The following RSRP1 variants were observed in gnomAD, a reference collection of about 807,000 sequenced individuals.
The protein encoded by RSRP1 is arginine and serine rich protein 1, also known as arginine/serine-rich protein 1.
RSRP1 carries 37 observed loss-of-function variants against 33.0 expected under a neutral mutation model. That is an observed-to-expected ratio of 1.12 (90% CI 0.86 to 1.48). The LOEUF is 1.48. Ranked by LOEUF, RSRP1 falls within the 40% of genes most tolerant of loss-of-function variation. The probability of loss-of-function intolerance (pLI) is 0.00; values close to 1 mark genes in which losing one functional copy is unlikely to be tolerated. For synonymous variants in RSRP1, 167 were observed against 158.7 expected, an observed-to-expected ratio of 1.05 and a Z score of -0.40; for missense variants, 402 against 385.3, an observed-to-expected ratio of 1.04 and a Z score of -0.36.
At chr1:25,316,427 C>T (rs1268375200) in intron 1 of RSRP1, among the ~76,000 whole-genome samples, 2 of 128,080 alleles carry the variant, frequency 1.6e-5, no homozygotes, top group South Asian at 4.8e-4. Flanking sequence ...CGAGATCACC[C>T]TGGTCAACAT....
At chr1:25,313,262 G>A (rs781218294) in intron 1 of RSRP1, among the ~76,000 whole-genome samples, 1 of 131,558 alleles carries the variant, frequency 7.6e-6, no homozygotes, top group Non-Finnish European at 1.8e-5. Flanking sequence ...CAGCAAGAAG[G>A]TCCTCAACAG....
At position 25,268,117 on chromosome 1, in the gene RSRP1, G is replaced by C. The variant is rs368502842; in HGVS notation, c.-66-21088C>G. On this transcript the variant is annotated intron_variant, in intron 1 of 1. Coordinates refer to the RSRP1 transcript ENST00000561867. Reference sequence around the variant, plus strand: ...GTTATTCAGCCAACAAATATTTATTGAGCACCTACTATGGACTTCCCTGGT... The same window carrying C: ...GTTATTCAGCCAACAAATATTTATTCAGCACCTACTATGGACTTCCCTGGT... Among the ~76,000 whole-genome samples, 11 of 133,984 alleles carry C rather than the reference G, an allele frequency of 8.2e-5. 2 individuals carry two copies. The highest frequency in any genetic ancestry group is 2.5e-4 in the African/African-American group (10 of 39,306). The allele number at this position is 133,984 out of a possible 152,430, so 87.9% of individuals were successfully genotyped here.
intron 1 of RSRP1, chr1:25,329,066 T>A (rs1328677127): frequency 7.4e-7 from 1 of 1,345,896 alleles, no homozygotes; most frequent in Admixed American, 1.9e-5. Flanking sequence ...GAAAATGGAG[T>A]TGAATCCTTT....
Position 25,242,723 on chromosome 1 carries a change from C to G in RSRP1, c.757-18G>C. ...ACAGAATTCTGTAAAAGAACAAATT[C>G]AGTCAGCTTCCCAAACATACATTGT... is the stretch of plus-strand genomic sequence containing the variant. On this transcript the variant is annotated intron_variant, in intron 4 of 4. Transcript: ENST00000243189. 1 of 1,500,352 alleles carries G rather than the reference C, an allele frequency of 6.7e-7. No individual in the cohort carries two copies. The highest frequency in any genetic ancestry group is 1.1e-5 in the South Asian group (1 of 87,416). The allele number at this position is 1,500,352 out of a possible 1,614,324, so 92.9% of individuals were successfully genotyped here. A position where few individuals can be genotyped will look rare whatever the true frequency, so the allele number is the denominator to read the frequency against.
intron 1 of RSRP1, among the ~76,000 whole-genome samples, chr1:25,333,202 C>T (rs1291676827): frequency 1.5e-5 from 2 of 132,242 alleles, no homozygotes; most frequent in Non-Finnish European, 3.6e-5. Context: ...TTAGCCCATT[C>T]AGTCATATAT....
Position 25,321,751 on chromosome 1 carries a change from T to C in RSRP1, c.-67+16227A>G, listed in dbSNP as rs1442219150. ...TGGTCCAGGAATGACAGGGCTTCCA[T>C]TTATTTGTCTTTCAATTGTGGGAGA... On this transcript the variant is annotated intron_variant, in intron 1 of 1. Transcript: ENST00000561867. 11 of 439,598 alleles carry C rather than the reference T, an allele frequency of 2.5e-5. No homozygotes were observed. In the East Asian group the frequency reaches 2.8e-4, roughly 11 times the overall value. 27.2% of individuals were successfully genotyped at this position (439,598 alleles called of 1,614,324 possible). A position where few individuals can be genotyped will look rare whatever the true frequency, so the allele number is the denominator to read the frequency against.
At chr1:25,292,397 A>G (rs1165469664) in intron 1 of RSRP1, among the ~76,000 whole-genome samples, 1 of 132,626 alleles carries the variant, frequency 7.5e-6, no homozygotes. Context: ...CCAGACTCAG[A>G]CTAGGACAAT....
upstream of RSRP1, among the ~76,000 whole-genome samples, chr1:25,251,764 A>G (rs577933068): frequency 2.6e-5 from 4 of 152,280 alleles, no homozygotes; most frequent in South Asian, 4.1e-4. Context: ...CATTCCCTAG[A>G]GGTATAGAAT....
Position 25,303,801 on chromosome 1 carries a change from T to A in RSRP1, c.-67+34177A>T, listed in dbSNP as rs1164636151. Among the ~76,000 whole-genome samples the A allele has an allele frequency of 1.1e-4, 15 of 130,948 alleles. 4 individuals are homozygous for A. Among genetic ancestry groups the A allele is most frequent in the Non-Finnish European group, 2.2e-4 (12 of 55,378 alleles). The allele number at this position is 130,948 out of a possible 152,430, so 85.9% of individuals were successfully genotyped here. ...TCTTTGCTTTTCCTGAATATCTGCT[T>A]TATTCTTACTCTATAGACATGCTTC... On this transcript the variant is annotated intron_variant, in intron 1 of 1. Transcript: ENST00000561867.
intron 1 of RSRP1, among the ~76,000 whole-genome samples, chr1:25,285,028 T>C (rs1423944990): frequency 7.4e-6 from 1 of 135,100 alleles, no homozygotes; most frequent in Admixed American, 7.1e-5. Flanking sequence ...TTATTGTCGA[T>C]TATGATTTTG....
chr1:25,292,660 G>T (rs28678457), intron 1 of RSRP1, among the ~76,000 whole-genome samples: 4,498 of 128,732 alleles, frequency 0.035, 426 homozygotes, highest in African/African-American at 0.11. Flanking sequence ...GGGGAGGGGG[G>T]GTAGAGATGT....
chr1:25,321,957 T>C, intron 1 of RSRP1: 1 of 1,312,782 alleles, frequency 7.6e-7, no homozygotes, highest in Non-Finnish European at 1.1e-6. Context: ...CCAAGTTTTC[T>C]GGAAGGTAAG....
At chr1:25,274,137 G>C (rs962338720) in intron 1 of RSRP1, among the ~76,000 whole-genome samples, 3 of 132,348 alleles carry the variant, frequency 2.3e-5, no homozygotes, top group African/African-American at 7.7e-5. Flanking sequence ...CTATGTACCA[G>C]GCACTATTCT....
intron 1 of RSRP1, among the ~76,000 whole-genome samples, chr1:25,321,618 C>G (rs544094914): frequency 5.6e-5 from 7 of 125,674 alleles, no homozygotes; most frequent in African/African-American, 1.9e-4. Context: ...TGCAGTGAGC[C>G]GAGATCACGC....
At chr1:25,247,064 GCGGAAGCCGGCGCCTGGCCACC>G (rs1252016027) in intron 1 of RSRP1, 35 bp from the exon 2 acceptor site, 2 of 1,251,204 alleles carry the variant, frequency 1.6e-6, no homozygotes, top group Non-Finnish European at 2.1e-6. Context: ...AAGTCGAGTC[GCGGAAGCCGGCGCCTGGCCACC>G]CGGAAGCCAC....
At chr1:25,256,258 G>A (rs547511172) in intron 1 of RSRP1, among the ~76,000 whole-genome samples, 53 of 150,846 alleles carry the variant, frequency 3.5e-4, no homozygotes, top group African/African-American at 1.3e-3. Flanking sequence ...GGGCTCAAAC[G>A]ATCCTCCCGC....
intron 1 of RSRP1, chr1:25,337,464 A>ACCG: frequency 6.9e-6 from 1 of 144,894 alleles, no homozygotes; most frequent in African/African-American, 2.6e-5. Context: ...TAGCTAAGTC[A>ACCG]TCGTTGCTTC....
chr1:25,311,372 T>C lies in RSRP1; in HGVS notation c.-67+26606A>G, dbSNP rs1644137616. On this transcript the variant is annotated intron_variant, in intron 1 of 1. Transcript: ENST00000561867. ...CGACTGATAAGAAAACTAGTACACA[T>C]AAATTAGCCAGGCGTGGTGGTGGGC... 1.5e-5 allele frequency among the ~76,000 whole-genome samples: 2 copies of C among 129,068 alleles called. 1 individual carries two copies. The highest frequency in any genetic ancestry group is 3.7e-5 in the Non-Finnish European group (2 of 54,492). 84.7% of individuals were successfully genotyped at this position (129,068 alleles called of 152,430 possible).
intron 1 of RSRP1, chr1:25,290,794 G>C (rs1318615335): frequency 7.3e-7 from 1 of 1,376,608 alleles, no homozygotes; most frequent in East Asian, 2.2e-5. Context: ...TCTTCAACGT[G>C]AGTCATGGTG....
Sources: allele counts gnomAD v4.1 joint callset (sites outside exome capture counted in the v4.1 genomes callset), GRCh38; gene constraint gnomAD v4.1.1; transcripts MANE v1.5; gene names NCBI Gene and HGNC (gene_info 2026-07-23, HGNC 2026-07-21).